The following AK9 variants were observed in gnomAD, a reference collection of about 807,000 sequenced individuals.
The protein encoded by AK9 is adenylate kinase 9, also known as adenylate kinase domain containing 1.
In AK9, 191 loss-of-function variants were observed where a neutral mutation model predicts 239.6. The ratio of observed to expected loss-of-function variants is 0.80; its 90% CI spans 0.71 to 0.90. The LOEUF (loss-of-function observed/expected upper bound fraction) is 0.90, where lower values mean the gene tolerates loss of function less well. Ranked by LOEUF, AK9 falls within the 40% of genes least tolerant of loss-of-function variation. AK9 has a pLI of 0.00. For synonymous variants in AK9, 689 were observed against 721.0 expected, an observed-to-expected ratio of 0.96 and a Z score of 0.71; for missense variants, 1,995 against 2,214.7, an observed-to-expected ratio of 0.90 and a Z score of 1.99.
At chr6:109,669,743 T>G (rs1393890977) in intron 5 of AK9, among the ~76,000 whole-genome samples, 1 of 152,188 alleles carries the variant, frequency 6.6e-6, no homozygotes, top group Non-Finnish European at 1.5e-5. Flanking sequence ...ATGAGACGCC[T>G]TGCTGGGAAT....
intron 24 of AK9, among the ~76,000 whole-genome samples, chr6:109,552,499 T>G (rs765714429): frequency 1.9e-4 from 29 of 152,240 alleles, no homozygotes; most frequent in South Asian, 2.1e-4. Context: ...CATAAATGTC[T>G]TCTTTTGAGA....
At chr6:109,565,424 T>C (rs1452239225) in intron 21 of AK9, among the ~76,000 whole-genome samples, 1 of 152,030 alleles carries the variant, frequency 6.6e-6, no homozygotes, top group African/African-American at 2.4e-5. Flanking sequence ...CAGGGAGCTA[T>C]GATCGTGCCA....
At chr6:109,629,465 C>T (rs575897101) in intron 12 of AK9, among the ~76,000 whole-genome samples, 1 of 152,170 alleles carries the variant, frequency 6.6e-6, no homozygotes, top group African/African-American at 2.4e-5. Context: ...GGGCCAGCAA[C>T]ATTTGAGACT....
At chr6:109,681,872 G>C (rs972279083) in intron 1 of AK9, among the ~76,000 whole-genome samples, 3 of 152,158 alleles carry the variant, frequency 2.0e-5, no homozygotes, top group Non-Finnish European at 4.4e-5. Flanking sequence ...CAGAGATAAA[G>C]ATGTTCTTTG....
At chr6:109,524,415 T>C (rs1780204015) in intron 29 of AK9, among the ~76,000 whole-genome samples, 1 of 152,104 alleles carries the variant, frequency 6.6e-6, no homozygotes, top group Non-Finnish European at 1.5e-5. Context: ...AGAAATAATG[T>C]CTAAAGTTTC....
chr6:109,663,193 T>A (rs1800673940), intron 5 of AK9, among the ~76,000 whole-genome samples: 1 of 152,186 alleles, frequency 6.6e-6, no homozygotes, highest in Non-Finnish European at 1.5e-5. Flanking sequence ...TTGGCTTGTA[T>A]CCCCACCCAG....
intron 32 of AK9, among the ~76,000 whole-genome samples, chr6:109,513,495 G>A (rs1481654301): frequency 6.6e-6 from 1 of 152,098 alleles, no homozygotes; most frequent in Non-Finnish European, 1.5e-5. Context: ...TTGATTCTGG[G>A]CCATTTCAGA....
At position 109,585,982 on chromosome 6, in the gene AK9, T is replaced by TC; in HGVS notation, c.1932dup (p.Met645AspfsTer11). 6.4e-7 allele frequency: 1 copy of TC among 1,551,514 alleles called. No homozygotes were observed. Among genetic ancestry groups the TC allele is most frequent in the Non-Finnish European group, 8.7e-7 (1 of 1,146,898 alleles). On this transcript the variant is annotated frameshift_variant, in exon 18 of 41. Coordinates refer to ENST00000424296, the MANE Select transcript of AK9 (RefSeq NM_001145128.3). LOFTEE classifies it high-confidence loss of function. ...ATAATTCCTTTCTTGATTAAGGCCA[T>TC]CCACAATTCTTTTACAATAGGGCAG...
chr6:109,562,279 C>T (rs530528583), intron 24 of AK9, among the ~76,000 whole-genome samples: 12 of 152,210 alleles, frequency 7.9e-5, no homozygotes, highest in Non-Finnish European at 1.3e-4. Flanking sequence ...CTTGCAGTGG[C>T]TAAACTATGG....
At chr6:109,557,719 A>G (rs924070110) in intron 24 of AK9, among the ~76,000 whole-genome samples, 3 of 152,210 alleles carry the variant, frequency 2.0e-5, no homozygotes, top group African/African-American at 7.2e-5. Context: ...AAGTCTTTGA[A>G]TGGGCATGTG....
rs372494152 is a variant in AK9, at chr6:109,674,260, C to A, written c.119G>T (p.Gly40Val). The A allele has an allele frequency of 3.2e-6, 5 of 1,558,266 alleles. No individual in the cohort carries two copies. The highest frequency in any genetic ancestry group is 1.2e-5 in the South Asian group (1 of 81,166). ...PVCFVVFGKP[G>V]VGKTTLARYI... is the part of the protein sequence containing the mutation. Reference sequence around the variant, plus strand: ...ACGGGCTAATGTTGTTTTCCCAACACCCTTAAAAAGAAAAATGTTATTTAA... The same window carrying A: ...ACGGGCTAATGTTGTTTTCCCAACAACCTTAAAAAGAAAAATGTTATTTAA... Residue 40 changes from glycine (G) to valine (V), a missense_variant and splice_region_variant, in exon 3 of 41, where the codon GGT (glycine) becomes GTT (valine). Gly to Val is a moderately radical substitution (Grantham distance 109). Coordinates refer to ENST00000424296, the MANE Select transcript of AK9 (RefSeq NM_001145128.3).
chr6:109,517,885 C>G (rs1284838833), intron 29 of AK9, among the ~76,000 whole-genome samples: 1 of 152,092 alleles, frequency 6.6e-6, no homozygotes, highest in Non-Finnish European at 1.5e-5. Context: ...ACACCGTTCT[C>G]CCTGTAGTAT....
chr6:109,643,594 T>C (rs957802831), intron 9 of AK9, among the ~76,000 whole-genome samples: 3 of 152,212 alleles, frequency 2.0e-5, no homozygotes, highest in Non-Finnish European at 2.9e-5. Context: ...TAAACAGAAA[T>C]AGGATCATCT....
At chr6:109,584,784 T>C (rs1166516851) in intron 19 of AK9, among the ~76,000 whole-genome samples, 1 of 152,140 alleles carries the variant, frequency 6.6e-6, no homozygotes, top group African/African-American at 2.4e-5. Context: ...TGATGTTGTT[T>C]CTTCAATTTG....
chr6:109,533,106 T>C (rs1022327352), intron 28 of AK9, 145 bp downstream of exon 28: 8 of 595,688 alleles, frequency 1.3e-5, no homozygotes, highest in Non-Finnish European at 7.9e-6. Flanking sequence ...ACTCTTATTA[T>C]AGTCTTAATA....
chr6:109,631,522 C>T lies in AK9; in HGVS notation c.1254+1401G>A, dbSNP rs533349411. ...CTAAAATGGCTAGAATTAGAAAGACCGACCATAGTAAGAGTTGACAGGAAT... is the reference window on the plus strand; with the variant it reads ...CTAAAATGGCTAGAATTAGAAAGACTGACCATAGTAAGAGTTGACAGGAAT... On this transcript the variant is annotated intron_variant, in intron 12 of 40. Transcript: ENST00000424296. Among the ~76,000 whole-genome samples, 21 of 152,090 alleles carry T rather than the reference C, an allele frequency of 1.4e-4. No homozygotes were observed. The East Asian group carries it at 2.3e-3, about 17-fold the overall frequency.
At chr6:109,586,566 T>C (rs756506782) in intron 17 of AK9, among the ~76,000 whole-genome samples, 22 of 152,326 alleles carry the variant, frequency 1.4e-4, no homozygotes, top group South Asian at 2.1e-4. Flanking sequence ...CAGGTGATAA[T>C]GATGCCTGGA....
intron 17 of AK9, among the ~76,000 whole-genome samples, chr6:109,594,508 A>G (rs1206417369): frequency 6.6e-6 from 1 of 152,006 alleles, no homozygotes; most frequent in African/African-American, 2.4e-5. Context: ...ATCAGAAAAA[A>G]CTATCAAATT....
intron 12 of AK9, among the ~76,000 whole-genome samples, chr6:109,631,314 G>A (rs1444081400): frequency 6.6e-6 from 1 of 151,676 alleles, no homozygotes; most frequent in Non-Finnish European, 1.5e-5. Context: ...CTTGTATATA[G>A]ATAATATTAG....
Sources: allele counts gnomAD v4.1 joint callset (sites outside exome capture counted in the v4.1 genomes callset), GRCh38; gene constraint gnomAD v4.1.1; transcripts MANE v1.5; gene names NCBI Gene and HGNC (gene_info 2026-07-23, HGNC 2026-07-21).